DNAI2: variants seen among roughly 807,000 people sequenced by gnomAD.
DNAI2 encodes dynein axonemal intermediate chain 2.
DNAI2 carries 63 observed loss-of-function variants against 74.7 expected under a neutral mutation model. That is an observed-to-expected ratio of 0.84 (90% CI 0.69 to 1.04). The LOEUF is 1.04. Among genes scored for constraint, DNAI2 ranks in the 50% least tolerant of loss-of-function variants. The pLI is 0.00. For missense variants in DNAI2, 688 were observed against 803.2 expected, an observed-to-expected ratio of 0.86 and a Z score of 1.73; for synonymous variants, 289 against 314.9, an observed-to-expected ratio of 0.92 and a Z score of 0.87.
At chr17:74,306,354 A>G (rs879694115) in intron 9 of DNAI2, among the ~76,000 whole-genome samples, 7 of 151,966 alleles carry the variant, frequency 4.6e-5, no homozygotes, top group Non-Finnish European at 1.0e-4. Flanking sequence ...CCTCCCCTTC[A>G]TCTCCTAAAT....
Position 74,305,376 on chromosome 17 carries a change from CGGTT to C in DNAI2, c.1148_1151del (p.Val383AlafsTer35). On this transcript the variant is annotated frameshift_variant, in exon 9 of 14. Coordinates refer to ENST00000311014, the MANE Select transcript of DNAI2 (RefSeq NM_023036.6). LOFTEE classifies it high-confidence loss of function. ...CCCTTCTACCCGAAGAACTTCCTGA[CGGTT>C]GGCGACTGGACAGCCCGCATTTGGT... 1 of 1,614,200 alleles carries C rather than the reference CGGTT, an allele frequency of 6.2e-7. No individual in the cohort carries two copies. The highest frequency in any genetic ancestry group is 8.5e-7 in the Non-Finnish European group (1 of 1,180,044).
chr17:74,296,005 G>A (rs1448967793), intron 6 of DNAI2, among the ~76,000 whole-genome samples: 1 of 152,180 alleles, frequency 6.6e-6, no homozygotes, highest in Admixed American at 6.5e-5. Flanking sequence ...GATGAGGTCA[G>A]CCAGAGAGTT....
chr17:74,299,749 G>T lies in DNAI2; in HGVS notation c.756G>T (p.Val252=), dbSNP rs778221030. ...ACWDTRKGSL[V]AELSTIESSH... is the part of the protein sequence containing the mutation. ...GGGACACCCGAAAGGGCAGCCTGGT[G>T]GCGGAGCTATCCACCATTGAGTCCA... The change falls in exon 7 of 14, where the codon GTG becomes GTT. Residue 252 remains valine (V), a synonymous_variant. Coordinates refer to ENST00000311014, the MANE Select transcript of DNAI2 (RefSeq NM_023036.6). 1.2e-6 allele frequency: 2 copies of T among 1,613,534 alleles called. No individual in the cohort carries two copies. Among genetic ancestry groups the T allele is most frequent in the Non-Finnish European group, 1.7e-6 (2 of 1,180,026 alleles).
rs570867024 is a variant in DNAI2, at chr17:74,284,931, G to A, written c.184-109G>A. On this transcript the variant is annotated intron_variant, in intron 2 of 13. Coordinates refer to ENST00000311014, the MANE Select transcript of DNAI2 (RefSeq NM_023036.6). Reference sequence around the variant, plus strand: ...AAAATACTGTGGCTCCGGCCAGGGCGCCTCAGCATCCAGCCCTGGGAGCCC... The same window carrying A: ...AAAATACTGTGGCTCCGGCCAGGGCACCTCAGCATCCAGCCCTGGGAGCCC... 40 of 1,395,264 alleles carry A rather than the reference G, an allele frequency of 2.9e-5. No individual in the cohort carries two copies. The East Asian group carries it at 5.3e-4, about 18-fold the overall frequency. 86.4% of individuals were successfully genotyped at this position (1,395,264 alleles called of 1,614,324 possible). A position where few individuals can be genotyped will look rare whatever the true frequency, so the allele number is the denominator to read the frequency against.
intron 6 of DNAI2, among the ~76,000 whole-genome samples, chr17:74,295,233 TAAAA>T (rs57143936): frequency 0.18 from 19,835 of 112,432 alleles, 1,792 homozygotes; most frequent in Non-Finnish European, 0.23. Context: ...CATCTCTACT[TAAAA>T]AAAAAAAAAA....
intron 6 of DNAI2, among the ~76,000 whole-genome samples, chr17:74,292,822 G>A (rs941745563): frequency 6.7e-5 from 10 of 148,242 alleles, no homozygotes; most frequent in South Asian, 2.2e-4. Flanking sequence ...CTTATTGTCC[G>A]GTGTAGTTTT....
intron 8 of DNAI2, among the ~76,000 whole-genome samples, chr17:74,304,402 T>G (rs1048316276): frequency 6.6e-6 from 1 of 151,852 alleles, no homozygotes; most frequent in African/African-American, 2.4e-5. Flanking sequence ...TTCTTTCCAT[T>G]TGGAATGCTG....
At chr17:74,302,027 G>A (rs1206356751) in intron 8 of DNAI2, among the ~76,000 whole-genome samples, 1 of 17,422 alleles carries the variant, frequency 5.7e-5, no homozygotes, top group Non-Finnish European at 1.2e-4. Context: ...AGGAAGGAAA[G>A]AAGGAAGGAA....
intron 8 of DNAI2, 86 bp from the exon 9 acceptor site, chr17:74,305,133 C>A (rs78937721): frequency 1.4e-6 from 2 of 1,418,732 alleles, no homozygotes; most frequent in African/African-American, 1.4e-5. Flanking sequence ...GCCTGCAGAC[C>A]CCCCAAGCAA....
At chr17:74,299,673 A>G (rs1422372175) in intron 6 of DNAI2, 45 bp from the exon 7 acceptor site, 1 of 1,611,918 alleles carries the variant, frequency 6.2e-7, no homozygotes, top group South Asian at 1.1e-5. Flanking sequence ...TAAGGAAGGA[A>G]GCCTGTGCCC....
chr17:74,304,310 G>A (rs2053058207), intron 8 of DNAI2, among the ~76,000 whole-genome samples: 1 of 149,444 alleles, frequency 6.7e-6, no homozygotes, highest in Admixed American at 6.7e-5. Context: ...TATAGGGGCA[G>A]GTTCACCAGC....
Position 74,281,776 on chromosome 17 carries a change from C to A in DNAI2, c.-11-31C>A, listed in dbSNP as rs375725669. 5.0e-6 allele frequency: 8 copies of A among 1,601,770 alleles called. No homozygotes were observed. In the African/African-American group the frequency reaches 1.1e-4, roughly 21 times the overall value. On this transcript the variant is annotated intron_variant, in intron 1 of 13. Transcript: ENST00000311014. The stretch of plus-strand genomic sequence containing the variant: ...AGATAGGGAAGGGGCCGGTGGGGTC[C>A]CTCACCCCACACCCTCCCTCTGCCC...
chr17:74,302,070 AGAAGGAAGGAAGGAAGGAAG>A (rs1160792899), intron 8 of DNAI2, among the ~76,000 whole-genome samples: 5 of 6,938 alleles, frequency 7.2e-4, no homozygotes, highest in East Asian at 4.9e-3. Flanking sequence ...AAGGAAGGAA[AGAAGGAAGGAAGGAAGGAAG>A]GAAGGAAGGA....
Position 74,299,355 on chromosome 17 carries a change from G to T in DNAI2, c.725-363G>T, listed in dbSNP as rs75186766. Among the ~76,000 whole-genome samples the T allele has an allele frequency of 1.8e-3, 278 of 152,114 alleles. 2 individuals carry two copies. The highest frequency in any genetic ancestry group is 2.5e-3 in the Non-Finnish European group (169 of 67,996). On this transcript the variant is annotated intron_variant, in intron 6 of 13. Coordinates refer to ENST00000311014, the MANE Select transcript of DNAI2 (RefSeq NM_023036.6). ...TCTCGCCTGGCTCCCTCCATCCTGA[G>T]GCTCATCTTCCATCTCAGCTACCTG...
chr17:74,301,194 C>A, intron 8 of DNAI2, 26 bp downstream of exon 8: 1 of 1,612,512 alleles, frequency 6.2e-7, no homozygotes, highest in Non-Finnish European at 8.5e-7. Flanking sequence ...TGTCCCTTCC[C>A]CGACTTGCAT....
chr17:74,296,841 G>A (rs931017642), intron 6 of DNAI2, among the ~76,000 whole-genome samples: 5 of 152,136 alleles, frequency 3.3e-5, no homozygotes, highest in African/African-American at 9.7e-5. Flanking sequence ...AGGCCACCAC[G>A]GAACTGCAGA....
At chr17:74,283,856 G>A (rs974957948) in intron 2 of DNAI2, among the ~76,000 whole-genome samples, 1 of 152,154 alleles carries the variant, frequency 6.6e-6, no homozygotes, top group Non-Finnish European at 1.5e-5. Flanking sequence ...AAGCTGTACT[G>A]GCCGGGCGCA....
At chr17:74,296,723 T>C (rs1305519727) in intron 6 of DNAI2, among the ~76,000 whole-genome samples, 1 of 152,134 alleles carries the variant, frequency 6.6e-6, no homozygotes, top group Non-Finnish European at 1.5e-5. Context: ...GGTCAGATAA[T>C]GACAGTTCTT....
chr17:74,275,530 G>C (rs1345562424), intron 1 of DNAI2, among the ~76,000 whole-genome samples: 1 of 152,160 alleles, frequency 6.6e-6, no homozygotes, highest in African/African-American at 2.4e-5. Flanking sequence ...TTTGAGACCA[G>C]CCTGCCCAAC....
Sources: allele counts gnomAD v4.1 joint callset (sites outside exome capture counted in the v4.1 genomes callset), GRCh38; gene constraint gnomAD v4.1.1; transcripts MANE v1.5; gene names NCBI Gene and HGNC (gene_info 2026-07-23, HGNC 2026-07-21).